The following LARGE1 variants were observed in gnomAD, a reference collection of about 807,000 sequenced individuals.
The protein encoded by LARGE1 is LARGE xylosyl- and glucuronyltransferase 1.
A neutral mutation model predicts 87.6 loss-of-function variants in LARGE1; 43 were observed. The observed-to-expected ratio is 0.49, with a 90% CI of 0.38 to 0.63. The LOEUF (loss-of-function observed/expected upper bound fraction) is 0.63. Ranked by LOEUF, LARGE1 falls within the 30% of genes least tolerant of loss-of-function variation. LARGE1 has a pLI of 0.00. For synonymous variants in LARGE1, 434 were observed against 394.6 expected, an observed-to-expected ratio of 1.10 and a Z score of -1.18; for missense variants, 802 against 1,000.2, an observed-to-expected ratio of 0.80 and a Z score of 2.67.
chr22:33,172,362 A>G (rs1253171022), intron 11 of LARGE1, among the ~76,000 whole-genome samples: 1 of 152,196 alleles, frequency 6.6e-6, no homozygotes, highest in Admixed American at 6.5e-5. Context: ...ATTGGTTTTG[A>G]AATGGTGGTT....
chr22:33,711,771 C>T (rs1231975329), intron 2 of LARGE1, among the ~76,000 whole-genome samples: 2 of 152,202 alleles, frequency 1.3e-5, no homozygotes, highest in Non-Finnish European at 2.9e-5. Context: ...CTCAGCCTCT[C>T]AGGTAGCTGA....
chr22:33,388,252 G>A (rs13347210), intron 7 of LARGE1, among the ~76,000 whole-genome samples: 33,273 of 151,990 alleles, frequency 0.22, 4,952 homozygotes, highest in African/African-American at 0.41. Context: ...TTGCCATTAT[G>A]AACAATGCTG....
chr22:33,299,866 A>T (rs1933907921), intron 12 of LARGE1, among the ~76,000 whole-genome samples: 2 of 152,238 alleles, frequency 1.3e-5, no homozygotes, highest in African/African-American at 2.4e-5. Context: ...CCAGGAGCTC[A>T]TTCTTCAGAA....
intron 6 of LARGE1, among the ~76,000 whole-genome samples, chr22:33,485,763 C>T (rs917528554): frequency 5.3e-5 from 8 of 152,176 alleles, no homozygotes; most frequent in African/African-American, 1.9e-4. Context: ...ATCCACACCC[C>T]CTATTTAACA....
intron 11 of LARGE1, among the ~76,000 whole-genome samples, chr22:33,222,389 A>T (rs1321375587): frequency 3.3e-5 from 5 of 152,186 alleles, no homozygotes; most frequent in African/African-American, 9.7e-5. Context: ...TCCATTCTTC[A>T]TGTTTTCATA....
At position 33,687,835 on chromosome 22, in the gene LARGE1, C is replaced by T. The variant is rs16992797; in HGVS notation, c.107-37167G>A. 7.6e-3 allele frequency among the ~76,000 whole-genome samples: 1,150 copies of T among 152,246 alleles called. 13 individuals are homozygous for T. The highest frequency in any genetic ancestry group is 0.025 in the African/African-American group (1,056 of 41,534). ...CTACCCACTTAACAAGTAAAAATAC[C>T]GAATACTAATATTTGTCCTATTCTT... On this transcript the variant is annotated intron_variant, in intron 2 of 14. Transcript: ENST00000397394.
exon 12 of LARGE1, chr22:33,165,526 T>A (rs1307192318): frequency 6.6e-6 from 1 of 152,194 alleles, no homozygotes; most frequent in Non-Finnish European, 1.5e-5. Context: ...TACCTGTACT[T>A]CAAAATCATC....
intron 1 of LARGE1, among the ~76,000 whole-genome samples, chr22:33,848,917 T>A (rs2063507264): frequency 6.6e-6 from 1 of 151,962 alleles, no homozygotes; most frequent in Admixed American, 6.6e-5. Flanking sequence ...AATTGCACAA[T>A]AAAGGCAAAT....
At chr22:33,404,698 A>G (rs904627155) in intron 7 of LARGE1, among the ~76,000 whole-genome samples, 5 of 152,204 alleles carry the variant, frequency 3.3e-5, no homozygotes, top group Non-Finnish European at 5.9e-5. Context: ...GTTTAAACAG[A>G]ATGTGCAAAA....
the LARGE1 span, among the ~76,000 whole-genome samples, chr22:33,107,538 G>C: frequency 6.6e-6 from 1 of 151,524 alleles, no homozygotes; most frequent in African/African-American, 2.4e-5. Context: ...CTGGGTTACA[G>C]AGCGAGACTT....
At chr22:33,860,997 C>T (rs962813749) in intron 1 of LARGE1, among the ~76,000 whole-genome samples, 10 of 152,180 alleles carry the variant, frequency 6.6e-5, no homozygotes, top group Non-Finnish European at 1.3e-4. Flanking sequence ...TGGGCACTGT[C>T]GCTAGAGAGA....
At chr22:33,473,352 T>A (rs1284229252) in intron 6 of LARGE1, among the ~76,000 whole-genome samples, 1 of 151,776 alleles carries the variant, frequency 6.6e-6, no homozygotes, top group East Asian at 1.9e-4. Flanking sequence ...TTATTTTTTA[T>A]TTTTTTTATT....
At chr22:33,393,077 G>T (rs962659117) in intron 7 of LARGE1, among the ~76,000 whole-genome samples, 6 of 152,168 alleles carry the variant, frequency 3.9e-5, no homozygotes, top group Non-Finnish European at 7.3e-5. Context: ...TCCACTGTAT[G>T]GAAAATTATG....
intron 5 of LARGE1, among the ~76,000 whole-genome samples, chr22:33,586,237 C>T (rs1197230462): frequency 6.6e-6 from 1 of 152,100 alleles, no homozygotes; most frequent in East Asian, 1.9e-4. Flanking sequence ...TCCAAAATGA[C>T]CTAAGTAAAA....
chr22:33,106,969 G>T, the LARGE1 span, among the ~76,000 whole-genome samples: 3 of 152,130 alleles, frequency 2.0e-5, no homozygotes, highest in African/African-American at 7.2e-5. Flanking sequence ...GTTTTTCCCA[G>T]ACAGCAAGAA....
At chr22:33,918,862 T>C (rs1275964533) in intron 1 of LARGE1, among the ~76,000 whole-genome samples, 1 of 151,838 alleles carries the variant, frequency 6.6e-6, no homozygotes, top group East Asian at 1.9e-4. Flanking sequence ...CGCCCCCACC[T>C]GCCACCCCCT....
At chr22:33,677,354 AACATAAAC>A (rs1376941270) in intron 2 of LARGE1, among the ~76,000 whole-genome samples, 2 of 152,100 alleles carry the variant, frequency 1.3e-5, no homozygotes, top group African/African-American at 4.8e-5. Context: ...AGGACAGTTT[AACATAAAC>A]ACATAAACAA....
At chr22:33,637,056 A>C (rs1048336838) in intron 3 of LARGE1, among the ~76,000 whole-genome samples, 4 of 152,058 alleles carry the variant, frequency 2.6e-5, no homozygotes, top group Non-Finnish European at 4.4e-5. Flanking sequence ...CTCTACCTTC[A>C]AGTAAGGTTA....
rs144066797 is a variant in LARGE1 at position 33,326,230 on chromosome 22, G to T, written c.1288-9982C>A. 3.1e-4 allele frequency among the ~76,000 whole-genome samples: 47 copies of T among 152,290 alleles called. No homozygotes were observed. In the East Asian group the frequency reaches 5.8e-3, roughly 19 times the overall value. ...CCTGACCTCGACTTGGAGGAGATAA[G>T]AAAAAGGCTTGGTCTCCTCCCTCCC... On this transcript the variant is annotated intron_variant, in intron 10 of 14. Coordinates refer to ENST00000397394, the MANE Select transcript of LARGE1 (RefSeq NM_133642.5).
Sources: gnomAD v4.1 joint callset for allele counts (sites outside exome capture counted in the v4.1 genomes callset) on GRCh38, gnomAD v4.1.1 for gene constraint, MANE v1.5 for transcripts, NCBI Gene and HGNC (gene_info 2026-07-23, HGNC 2026-07-21) for gene names.